The following ADAMTS2 variants were observed in gnomAD, a reference collection of about 807,000 sequenced individuals.
The protein encoded by ADAMTS2 is ADAM metallopeptidase with thrombospondin type 1 motif 2.
A neutral mutation model predicts 123.0 loss-of-function variants in ADAMTS2; 50 were observed. The ratio of observed to expected loss-of-function variants is 0.41; its 90% confidence interval spans 0.32 to 0.51. The LOEUF (loss-of-function observed/expected upper bound fraction) is 0.51. ADAMTS2 is among the 20% of genes least tolerant of loss of function. The probability of loss-of-function intolerance (pLI) is 0.35; values close to 1 mark genes in which losing one functional copy is unlikely to be tolerated. For missense variants in ADAMTS2, 1,494 were observed against 1,705.2 expected, an observed-to-expected ratio of 0.88 and a Z score of 2.18; for synonymous variants, 678 against 695.4, an observed-to-expected ratio of 0.98 and a Z score of 0.39.
rs1228166036 is a variant in ADAMTS2 at position 179,161,304 on chromosome 5, GA to G, written c.976-2426del. 3.9e-5 allele frequency among the ~76,000 whole-genome samples: 6 copies of G among 152,168 alleles called. No individual in the cohort carries two copies. In the South Asian group the frequency reaches 1.0e-3, roughly 26 times the overall value. On this transcript the variant is annotated intron_variant, in intron 5 of 21. Coordinates refer to ENST00000251582, the MANE Select transcript of ADAMTS2 (RefSeq NM_014244.5). ...AGGGGGTGAGCTTGGGATGGCACAA[GA>G]AGGAAGGGAAACTCGGGGTGGATGT...
At chr5:179,267,488 C>T (rs773946838) in intron 3 of ADAMTS2, among the ~76,000 whole-genome samples, 6 of 152,234 alleles carry the variant, frequency 3.9e-5, no homozygotes, top group Non-Finnish European at 8.8e-5. Context: ...TGCTGTCTGA[C>T]TTCTCTTCCT....
At chr5:179,245,130 G>A (rs962463148) in intron 3 of ADAMTS2, among the ~76,000 whole-genome samples, 1 of 152,176 alleles carries the variant, frequency 6.6e-6, no homozygotes, top group Non-Finnish European at 1.5e-5. Flanking sequence ...TCCATAGAGG[G>A]GGAAGGGGGA....
Position 179,343,998 on chromosome 5 carries a change from G to T in ADAMTS2, c.303C>A (p.Asn101Lys), listed in dbSNP as rs373406403. The change falls in exon 2 of 22, where the codon AAC becomes AAA. Residue 101 changes from asparagine (N) to lysine (K), a missense_variant. Transcript: ENST00000251582. ...PVRTPSFPGG[N>K]EEEPGSHLFY... is the part of the protein sequence containing the mutation. The stretch of plus-strand genomic sequence containing the variant: ...AGAGGTGACTGCCAGGCTCCTCCTC[G>T]TTGCCTCCGGGGAAGCTCGGGGTCC... The T allele has an allele frequency of 2.7e-5, 43 of 1,612,606 alleles. No individual in the cohort carries two copies. Among genetic ancestry groups the T allele is most frequent in the Non-Finnish European group, 3.1e-5 (36 of 1,179,894 alleles).
In ADAMTS2 at chr5:179,242,633, C is replaced by A. The variant is rs1468303364; in HGVS notation, c.688+30278G>T. 6.6e-6 allele frequency among the ~76,000 whole-genome samples: 1 copy of A among 152,212 alleles called. No homozygotes were observed. Among genetic ancestry groups the A allele is most frequent in the Non-Finnish European group, 1.5e-5 (1 of 68,040 alleles). On this transcript the variant is annotated intron_variant, in intron 3 of 21. Coordinates refer to ENST00000251582, the MANE Select transcript of ADAMTS2 (RefSeq NM_014244.5). This position sits in a 1 kb window ranked among gnomAD's most constrained non-coding sequence, Gnocchi z 4.2. ...GGAAGAAAAATCCCAGTAAGAACAG[C>A]AAGAATCGGTGGCACCTGAGCCATC...
In ADAMTS2 at chr5:179,272,672, G is replaced by A. The variant is rs1193286296; in HGVS notation, c.688+239C>T. On this transcript the variant is annotated intron_variant, in intron 3 of 21. Coordinates refer to ENST00000251582, the MANE Select transcript of ADAMTS2 (RefSeq NM_014244.5). This position sits in a 1 kb window ranked among gnomAD's most constrained non-coding sequence, Gnocchi z 5.8. ...CATGGAGGCCCCAGACATGAAGGCAGAGGTGTCTGGGCTGCTTGTCACCCA... is the reference window on the plus strand; with the variant it reads ...CATGGAGGCCCCAGACATGAAGGCAAAGGTGTCTGGGCTGCTTGTCACCCA... Among the ~76,000 whole-genome samples the A allele has an allele frequency of 6.6e-6, 1 of 152,210 alleles. No individual in the cohort carries two copies. Among genetic ancestry groups the A allele is most frequent in the African/African-American group, 2.4e-5 (1 of 41,466 alleles).
chr5:179,333,874 G>A (rs1757542370), intron 2 of ADAMTS2, among the ~76,000 whole-genome samples: 1 of 152,112 alleles, frequency 6.6e-6, no homozygotes, highest in Admixed American at 6.5e-5. Flanking sequence ...TTACACAGGC[G>A]TGAGCCACTG....
At chr5:179,270,399 C>T (rs911830741) in intron 3 of ADAMTS2, among the ~76,000 whole-genome samples, 6 of 152,216 alleles carry the variant, frequency 3.9e-5, no homozygotes, top group African/African-American at 9.6e-5. Context: ...CACTTCCAGA[C>T]GTTGCTTTTG....
chr5:179,198,373 G>C (rs1380837375), intron 4 of ADAMTS2, among the ~76,000 whole-genome samples: 1 of 152,202 alleles, frequency 6.6e-6, no homozygotes, highest in Non-Finnish European at 1.5e-5. Flanking sequence ...CATCCTCCTA[G>C]CCTCACAGTG....
rs1764267881 is a variant in ADAMTS2 at position 179,189,912 on chromosome 5, G to A, written c.892-8757C>T. 6.6e-6 allele frequency among the ~76,000 whole-genome samples: 1 copy of A among 151,944 alleles called. No homozygotes were observed. Among genetic ancestry groups the A allele is most frequent in the South Asian group, 2.1e-4 (1 of 4,814 alleles). On this transcript the variant is annotated intron_variant, in intron 4 of 21. Coordinates refer to ENST00000251582, the MANE Select transcript of ADAMTS2 (RefSeq NM_014244.5). This position sits in a 1 kb window ranked among gnomAD's most constrained non-coding sequence, Gnocchi z 4.2. The stretch of plus-strand genomic sequence containing the variant: ...AAGGGCGGGTCCGGCGGGGGCGGGT[G>A]GCAATATCACAAAGTACATTACCCC...
intron 2 of ADAMTS2, among the ~76,000 whole-genome samples, chr5:179,336,466 T>C (rs757010250): frequency 1.3e-5 from 2 of 151,914 alleles, no homozygotes; most frequent in Non-Finnish European, 2.9e-5. Context: ...GCCCACCCAT[T>C]AGGCTGCAGA....
chr5:179,283,796 C>A (rs927356401), intron 2 of ADAMTS2, among the ~76,000 whole-genome samples: 2 of 151,238 alleles, frequency 1.3e-5, no homozygotes, highest in Admixed American at 1.3e-4. Flanking sequence ...GAGGCTGAGG[C>A]GGGAGAATCA....
intron 4 of ADAMTS2, among the ~76,000 whole-genome samples, chr5:179,186,347 C>T (rs1304783749): frequency 6.6e-6 from 1 of 152,190 alleles, no homozygotes; most frequent in African/African-American, 2.4e-5. Flanking sequence ...TTCTGCTGTC[C>T]AGCCTCTCAG....
intron 3 of ADAMTS2, among the ~76,000 whole-genome samples, chr5:179,217,037 T>C (rs1034647451): frequency 3.9e-5 from 6 of 152,166 alleles, no homozygotes; most frequent in African/African-American, 1.4e-4. Context: ...GGCTTGCAGA[T>C]GGGCAAACTT....
At chr5:179,153,803 C>T (rs1032279010) in intron 8 of ADAMTS2, among the ~76,000 whole-genome samples, 180 bp from the exon 9 acceptor site, 4 of 152,172 alleles carry the variant, frequency 2.6e-5, no homozygotes, top group African/African-American at 4.8e-5. Flanking sequence ...GACACCAGGA[C>T]CTGGCTTGAG....
intron 5 of ADAMTS2, among the ~76,000 whole-genome samples, chr5:179,179,989 C>A (rs931973688): frequency 6.6e-6 from 1 of 152,128 alleles, no homozygotes; most frequent in Non-Finnish European, 1.5e-5. Flanking sequence ...GGGTAAGAAG[C>A]CTGACTCCTC....
chr5:179,120,950 G>A (rs1762747170), intron 21 of ADAMTS2: 1 of 152,308 alleles, frequency 6.6e-6, no homozygotes, highest in South Asian at 2.1e-4. Flanking sequence ...AAGCAAAAAA[G>A]CAATAAAAAT....
At chr5:179,334,396 G>C (rs1352523571) in intron 2 of ADAMTS2, among the ~76,000 whole-genome samples, 1 of 152,206 alleles carries the variant, frequency 6.6e-6, no homozygotes, top group Non-Finnish European at 1.5e-5. Flanking sequence ...TGAGAGAAGG[G>C]AGCGTTAAGA....
intron 11 of ADAMTS2, among the ~76,000 whole-genome samples, chr5:179,138,758 C>A (rs1406171225): frequency 2.0e-5 from 3 of 152,174 alleles, no homozygotes; most frequent in Non-Finnish European, 4.4e-5. Flanking sequence ...TGTCCCACTG[C>A]GGGATCCCTC....
chr5:179,127,285 G>T (rs905403300), intron 17 of ADAMTS2, among the ~76,000 whole-genome samples: 8 of 152,254 alleles, frequency 5.3e-5, no homozygotes, highest in African/African-American at 1.9e-4. Flanking sequence ...GGTGCCCAGG[G>T]GCCCTGGAAG....
Sources: gnomAD v4.1 joint callset for allele counts (sites outside exome capture counted in the v4.1 genomes callset) on GRCh38, gnomAD v4.1.1 for gene constraint, Gnocchi (gnomAD v3.1) non-coding constraint, MANE v1.5 for transcripts, NCBI Gene and HGNC (gene_info 2026-07-23, HGNC 2026-07-21) for gene names.